SEC24A: variants seen among roughly 807,000 people sequenced by gnomAD.
The protein encoded by SEC24A is SEC24 homolog A, COPII component, also known as protein transport protein Sec24A.
A neutral mutation model predicts 129.4 loss-of-function variants in SEC24A; 93 were observed. That is an observed-to-expected ratio of 0.72 (90% CI 0.61 to 0.85). The LOEUF is 0.85. SEC24A is among the 40% of genes least tolerant of loss of function. The probability of loss-of-function intolerance (pLI) is 0.00; values close to 1 mark genes in which losing one functional copy is unlikely to be tolerated. For synonymous variants in SEC24A, 460 were observed against 467.3 expected (o/e 0.98, Z 0.20); for missense variants, 1,264 against 1,307.4 (o/e 0.97, Z 0.51).
chr5:134,704,195 G>A (rs1001269865), intron 16 of SEC24A, among the ~76,000 whole-genome samples: 3 of 151,932 alleles, frequency 2.0e-5, no homozygotes, highest in South Asian at 4.1e-4. Context: ...TCAGCCACCC[G>A]AGTAATTGGG....
At chr5:134,697,285 A>G in intron 14 of SEC24A, 39 bp downstream of exon 14, 1 of 1,530,108 alleles carries the variant, frequency 6.5e-7, no homozygotes, top group Non-Finnish European at 9.0e-7. Context: ...CCGTTAAATG[A>G]ATATCAAAAT....
chr5:134,665,919 T>G (rs1348729774), intron 2 of SEC24A, among the ~76,000 whole-genome samples: 1 of 152,188 alleles, frequency 6.6e-6, no homozygotes, highest in Non-Finnish European at 1.5e-5. Flanking sequence ...ACATTGAAAT[T>G]TTATTCATGT....
intron 3 of SEC24A, among the ~76,000 whole-genome samples, chr5:134,668,298 G>A (rs1467736847): frequency 6.6e-6 from 1 of 152,062 alleles, no homozygotes; most frequent in Non-Finnish European, 1.5e-5. Context: ...TGTTAGCAAC[G>A]AGTAACAAGG....
At position 134,693,801 on chromosome 5, in the gene SEC24A, TGCAC is replaced by T. The variant is rs1359034581; in HGVS notation, c.1855_1858del (p.Ala619CysfsTer7). Reference sequence around the variant, plus strand: ...TGGAGACCCAGAGTGCCTTGGGTCCTGCACTGCAGGCTGCCTTTAAGCTGATGTC... The same window carrying T: ...TGGAGACCCAGAGTGCCTTGGGTCCTTGCAGGCTGCCTTTAAGCTGATGTC... On this transcript the variant is annotated frameshift_variant, in exon 13 of 23. Coordinates refer to ENST00000398844, the MANE Select transcript of SEC24A (RefSeq NM_021982.3). LOFTEE classifies it high-confidence loss of function. 2.5e-6 allele frequency: 4 copies of T among 1,614,210 alleles called. No individual in the cohort carries two copies. The highest frequency in any genetic ancestry group is 3.4e-6 in the Non-Finnish European group (4 of 1,180,030).
intron 3 of SEC24A, among the ~76,000 whole-genome samples, chr5:134,667,873 A>G (rs1750721039): frequency 6.6e-6 from 1 of 152,110 alleles, no homozygotes; most frequent in Non-Finnish European, 1.5e-5. Flanking sequence ...TTGGGATGTA[A>G]TGGAAATAAG....
In SEC24A at chr5:134,703,940, G is replaced by T; in HGVS notation, c.2440+8G>T. 6.5e-7 allele frequency: 1 copy of T among 1,529,588 alleles called. No individual in the cohort carries two copies. The highest frequency in any genetic ancestry group is 8.8e-7 in the Non-Finnish European group (1 of 1,130,938). 94.8% of individuals were successfully genotyped at this position (1,529,588 alleles called of 1,614,324 possible). On this transcript the variant is annotated splice_region_variant and intron_variant, in intron 16 of 22. Transcript: ENST00000398844. ...TGTATACATCCAGCAAAGGTAAATT[G>T]TTTGTTTTTTTTTGGATTTCAAATG...
chr5:134,661,689 G>A (rs1750467464), intron 2 of SEC24A, 103 bp downstream of exon 2: 2 of 957,448 alleles, frequency 2.1e-6, no homozygotes, highest in African/African-American at 1.7e-5. Flanking sequence ...TGGAAAATGT[G>A]ACTTTTAAAA....
chr5:134,657,677 A>G (rs1750294273), intron 1 of SEC24A, among the ~76,000 whole-genome samples: 1 of 152,078 alleles, frequency 6.6e-6, no homozygotes, highest in African/African-American at 2.4e-5. Flanking sequence ...CTTGGGTTCA[A>G]GTGATCCTCC....
At chr5:134,700,134 G>C (rs950145121) in intron 15 of SEC24A, among the ~76,000 whole-genome samples, 6 of 151,950 alleles carry the variant, frequency 3.9e-5, no homozygotes, top group Admixed American at 1.3e-4. Flanking sequence ...GCTCTGTAAG[G>C]GGGTGTGGAG....
At chr5:134,684,643 G>A (rs1466658261) in intron 9 of SEC24A, among the ~76,000 whole-genome samples, 1 of 150,396 alleles carries the variant, frequency 6.6e-6, no homozygotes, top group African/African-American at 2.5e-5. Context: ...AACCAGGGAG[G>A]CAGAGGTTGC....
chr5:134,704,841 G>T (rs945759084), intron 16 of SEC24A, among the ~76,000 whole-genome samples: 1 of 149,940 alleles, frequency 6.7e-6, no homozygotes, highest in Non-Finnish European at 1.5e-5. Flanking sequence ...TAATATTTAT[G>T]TACTTATTTA....
Position 134,705,394 on chromosome 5 carries a change from T to G in SEC24A, c.2508T>G (p.Leu836=). 6.2e-7 allele frequency: 1 copy of G among 1,613,446 alleles called. No homozygotes were observed. Among genetic ancestry groups the G allele is most frequent in the Non-Finnish European group, 8.5e-7 (1 of 1,179,682 alleles). The change falls in exon 17 of 23, where the codon CTT becomes CTG. Residue 836 remains leucine, a synonymous_variant. Transcript: ENST00000398844. The part of the protein sequence containing the change: ...PVVSTLNDVF[L]GADVQAISGL... Reference sequence around the variant, plus strand: ...TTTCGACTCTGAATGATGTCTTTCTTGGAGCTGATGTTCAAGCAATTTCAG... The same window carrying G: ...TTTCGACTCTGAATGATGTCTTTCTGGGAGCTGATGTTCAAGCAATTTCAG...
chr5:134,689,820 A>G (rs1220862714), intron 11 of SEC24A, among the ~76,000 whole-genome samples: 5 of 152,126 alleles, frequency 3.3e-5, no homozygotes, highest in Admixed American at 1.3e-4. Flanking sequence ...TAAAAAAACA[A>G]TGAAATTCTC....
rs746030772 is a variant in SEC24A, at chr5:134,693,730, G to T, written c.1783G>T (p.Val595Leu). The T allele has an allele frequency of 6.2e-7, 1 of 1,613,228 alleles. No homozygotes were observed. Among genetic ancestry groups the T allele is most frequent in the Admixed American group, 1.7e-5 (1 of 59,866 alleles). Residue 595 changes from valine to leucine, a missense_variant, in exon 13 of 23, where the codon GTG (valine) becomes TTG (leucine). By Grantham distance (32) the Val-to-Leu change is conservative. Coordinates refer to ENST00000398844, the MANE Select transcript of SEC24A (RefSeq NM_021982.3). Reference protein sequence around the residue: ...LVNLNESKELVQDLLKTLPQM... With the variant: ...LVNLNESKELLQDLLKTLPQM... ...TTTTCTTGCTTTGTTTTACAAGCTC[G>T]TGCAAGATTTACTGAAAACTTTGCC...
In SEC24A at chr5:134,726,225, T is replaced by C. The variant is rs989812448; in HGVS notation, c.*1131T>C. 6.6e-6 allele frequency: 1 copy of C among 152,556 alleles called. No homozygotes were observed. Among genetic ancestry groups the C allele is most frequent in the African/African-American group, 2.4e-5 (1 of 41,458 alleles). 9.5% of individuals were successfully genotyped at this position (152,556 alleles called of 1,614,324 possible). ...TTTCTTGATTCAGCTAGAGAAATAT[T>C]ATAGTCAAAACTATTGAGTGAATTT... On this transcript the variant is annotated 3_prime_UTR_variant, in exon 23 of 23. Coordinates refer to ENST00000398844, the MANE Select transcript of SEC24A (RefSeq NM_021982.3).
intron 3 of SEC24A, among the ~76,000 whole-genome samples, chr5:134,670,760 C>T (rs1017732117): frequency 1.3e-5 from 2 of 152,090 alleles, no homozygotes; most frequent in Non-Finnish European, 2.9e-5. Context: ...GAGGCCAAGG[C>T]ACGCGGATCA....
In SEC24A at chr5:134,719,916, T is replaced by C. The variant is rs7702355; in HGVS notation, c.2971-1082T>C. Among the ~76,000 whole-genome samples the C allele has an allele frequency of 2.9e-3, 441 of 151,582 alleles. 13 individuals carry two copies. Among genetic ancestry groups the C allele is most frequent in the Non-Finnish European group, 7.4e-4 (50 of 67,870 alleles). ...AGGAGAATCACTTGAACCTGGGAGG[T>C]GGAGGTTGTGGTGAGCCAAGATCGT... On this transcript the variant is annotated intron_variant, in intron 20 of 22. Transcript: ENST00000398844.
chr5:134,679,883 G>T (rs562295110), intron 8 of SEC24A, among the ~76,000 whole-genome samples, 155 bp downstream of exon 8: 1 of 150,086 alleles, frequency 6.7e-6, no homozygotes, highest in Non-Finnish European at 1.5e-5. Context: ...TTTTCTGTGC[G>T]TTTATATTTA....
At chr5:134,717,934 A>ATAAC in intron 19 of SEC24A, 135 bp from the exon 20 acceptor site, 1 of 598,078 alleles carries the variant, frequency 1.7e-6, no homozygotes, top group Non-Finnish European at 3.0e-6. Context: ...AAATAAATAA[A>ATAAC]TAAGAATAAT....
Sources: allele counts gnomAD v4.1 joint callset (sites outside exome capture counted in the v4.1 genomes callset), GRCh38; gene constraint gnomAD v4.1.1; transcripts MANE v1.5; gene names NCBI Gene and HGNC (gene_info 2026-07-23, HGNC 2026-07-21).